The following MISP variants were observed in gnomAD, a reference collection of about 807,000 sequenced individuals.
MISP encodes mitotic spindle positioning.
A neutral mutation model predicts 49.3 loss-of-function variants in MISP; 51 were observed. That is an observed-to-expected ratio of 1.03 (90% confidence interval 0.83 to 1.31). The LOEUF is 1.31. MISP is among the 50% of genes most tolerant of loss of function. The probability of loss-of-function intolerance (pLI) is 0.00; values close to 1 mark genes in which losing one functional copy is unlikely to be tolerated. For synonymous variants in MISP, 444 were observed against 392.6 expected (o/e 1.13, Z -1.55); for missense variants, 1,084 against 935.1 (o/e 1.16, Z -2.08).
At chr19:760,145 C>G (rs2033649976) in intron 3 of MISP, 106 bp downstream of exon 3, 3 of 1,324,760 alleles carry the variant, frequency 2.3e-6, no homozygotes, top group Non-Finnish European at 3.1e-6. Flanking sequence ...GGTTCAAGCA[C>G]TACCCCCACC....
At chr19:750,569 G>A (rs1048831554), upstream of MISP, among the ~76,000 whole-genome samples, 28 of 152,120 alleles carry the variant, frequency 1.8e-4, no homozygotes, top group Admixed American at 1.8e-3. Context: ...GAGCCCGGGC[G>A]TGATGTTCCC....
chr19:756,881 C>T lies in MISP; in HGVS notation c.-57-9C>T. 1 of 1,350,346 alleles carries T rather than the reference C, an allele frequency of 7.4e-7. No homozygotes were observed. 83.6% of individuals were successfully genotyped at this position (1,350,346 alleles called of 1,614,324 possible). A position where few individuals can be genotyped will look rare whatever the true frequency, so the allele number is the denominator to read the frequency against. On this transcript the variant is annotated splice_polypyrimidine_tract_variant and intron_variant, in intron 1 of 4. Transcript: ENST00000215582. ...ACTTGATGGCCCTCATTTCCTTCTCCTCCCTCAGTAAGCCCAGAGGTCTCC... is the reference window on the plus strand; with the variant it reads ...ACTTGATGGCCCTCATTTCCTTCTCTTCCCTCAGTAAGCCCAGAGGTCTCC...
intron 1 of MISP, among the ~76,000 whole-genome samples, chr19:751,633 G>A (rs1156733865): frequency 6.6e-6 from 1 of 152,204 alleles, no homozygotes; most frequent in Non-Finnish European, 1.5e-5. Flanking sequence ...CTGGTTTGGG[G>A]ACACGGAGGA....
rs1383489340 is a variant in MISP, at chr19:759,899, T to C, written c.1781-10T>C. ...TGTTCTAATGTTCTGCCCTCCCTGC[T>C]CCCCTACAGGCATCACGGGCAGTTA... On this transcript the variant is annotated splice_polypyrimidine_tract_variant and intron_variant, in intron 2 of 4. Coordinates refer to ENST00000215582, the MANE Select transcript of MISP (RefSeq NM_173481.4). 1.2e-6 allele frequency: 2 copies of C among 1,613,658 alleles called. No homozygotes were observed. The highest frequency in any genetic ancestry group is 2.7e-5 in the African/African-American group (2 of 74,872).
At chr19:754,099 C>A (rs2033505984) in intron 1 of MISP, among the ~76,000 whole-genome samples, 1 of 151,942 alleles carries the variant, frequency 6.6e-6, no homozygotes, top group Admixed American at 6.6e-5. Flanking sequence ...AGGCGGATCA[C>A]CTGAAGTCAG....
chr19:754,672 A>C (rs1200933646), intron 1 of MISP, among the ~76,000 whole-genome samples: 1 of 152,228 alleles, frequency 6.6e-6, no homozygotes, highest in Non-Finnish European at 1.5e-5. Context: ...ACAAGGCCTG[A>C]CATGAAGGAG....
chr19:759,725 G>A (rs1158821665), intron 2 of MISP, among the ~76,000 whole-genome samples, 184 bp from the exon 3 acceptor site: 1 of 152,146 alleles, frequency 6.6e-6, no homozygotes, highest in East Asian at 1.9e-4. Flanking sequence ...CACCTTGCAT[G>A]TCGGCCCATC....
intron 3 of MISP, among the ~76,000 whole-genome samples, chr19:761,053 G>A (rs2033664190): frequency 6.7e-6 from 1 of 150,334 alleles, no homozygotes; most frequent in Non-Finnish European, 1.5e-5. Context: ...AATGACACGA[G>A]GAATATTTAG....
intron 3 of MISP, 66 bp from the exon 4 acceptor site, chr19:761,559 C>T: frequency 6.3e-7 from 1 of 1,584,828 alleles, no homozygotes; most frequent in East Asian, 2.2e-5. Context: ...TGTGTGGGAG[C>T]TCTGGTCGGA....
At chr19:759,431 G>T (rs1426132622) in intron 2 of MISP, among the ~76,000 whole-genome samples, 1 of 130,800 alleles carries the variant, frequency 7.6e-6, no homozygotes, top group Non-Finnish European at 1.6e-5. Flanking sequence ...ATGGAGTCTC[G>T]CTCTGTCACC....
At position 757,598 on chromosome 19, in the gene MISP, G is replaced by T; in HGVS notation, c.652G>T (p.Gly218Trp). The T allele has an allele frequency of 2.5e-6, 4 of 1,612,748 alleles. No individual in the cohort carries two copies. The highest frequency in any genetic ancestry group is 2.5e-6 in the Non-Finnish European group (3 of 1,179,648). The change falls in exon 2 of 5, where the codon GGG (glycine) becomes TGG (tryptophan). Residue 218 changes from glycine to tryptophan, a missense_variant. Gly to Trp is a radical substitution (Grantham distance 184). Transcript: ENST00000215582. ...GGCCCCTCATAGCTCCCCGGCCAGGGGGACCCCTGCAGGCACAACCCCAGG... is the reference window on the plus strand; with the variant it reads ...GGCCCCTCATAGCTCCCCGGCCAGGTGGACCCCTGCAGGCACAACCCCAGG... ...KGAPHSSPAR[G>W]TPAGTTPGAS...
chr19:757,928 A>G lies in MISP; in HGVS notation c.982A>G (p.Arg328Gly). 1 of 1,601,998 alleles carries G rather than the reference A, an allele frequency of 6.2e-7. No individual in the cohort carries two copies. Among genetic ancestry groups the G allele is most frequent in the Non-Finnish European group, 8.5e-7 (1 of 1,179,326 alleles). ...CCAGGAGCTGGTGGAAATCCCCACC[A>G]GGCCGCTGCTGACCAAGCTGAGCCT... is the stretch of plus-strand genomic sequence containing the variant. Reference protein sequence around the residue: ...DHQELVEIPTRPLLTKLSLIT... With the variant: ...DHQELVEIPTGPLLTKLSLIT... The change falls in exon 2 of 5, where the codon AGG becomes GGG. Residue 328 changes from arginine (R) to glycine (G), a missense_variant. Physicochemically the swap from Arg to Gly is moderately radical, Grantham distance 125. Transcript: ENST00000215582.
chr19:757,490 G>A lies in MISP; in HGVS notation c.544G>A (p.Glu182Lys), dbSNP rs1204410330. The change falls in exon 2 of 5, where the codon GAG becomes AAG. Residue 182 changes from glutamate to lysine, a missense_variant. Glu to Lys is a moderately conservative substitution (Grantham distance 56). Transcript: ENST00000215582. ...CGGCCCACCTCGGTCCACGCCCCTG[G>A]AGGAGAACGTGGTTGACAGGGAGCA... ...TPGPPRSTPL[E>K]ENVVDREQID... is the part of the protein sequence containing the mutation. 1 of 1,601,310 alleles carries A rather than the reference G, an allele frequency of 6.2e-7. No individual in the cohort carries two copies. The highest frequency in any genetic ancestry group is 8.5e-7 in the Non-Finnish European group (1 of 1,174,684).
upstream of MISP, among the ~76,000 whole-genome samples, chr19:749,321 T>C (rs556937103): frequency 6.6e-6 from 1 of 152,296 alleles, no homozygotes; most frequent in Non-Finnish European, 1.5e-5. Context: ...AGGTTCCAAT[T>C]CCAGCCTAAA....
At position 758,963 on chromosome 19, in the gene MISP, T is replaced by C. The variant is rs1387679088; in HGVS notation, c.1780+237T>C. ...TGCTTTATGGATTTGGATGCCTTGT[T>C]GTTAGGCGCATAAATGTTCATATAT... is the stretch of plus-strand genomic sequence containing the variant. On this transcript the variant is annotated intron_variant, in intron 2 of 4. Transcript: ENST00000215582. 3.9e-5 allele frequency among the ~76,000 whole-genome samples: 6 copies of C among 152,356 alleles called. No homozygotes were observed. The Middle Eastern group carries it at 0.01, about 259-fold the overall frequency.
Position 756,931 on chromosome 19 carries a change from C to G in MISP, c.-16C>G, listed in dbSNP as rs771218482. On this transcript the variant is annotated 5_prime_UTR_variant, in exon 2 of 5. Coordinates refer to ENST00000215582, the MANE Select transcript of MISP (RefSeq NM_173481.4). ...CACCCCACGGGAGGAAGGCTGAGGCCAAGACCCCGGAAGAGATGGACCGCG... is the reference window on the plus strand; with the variant it reads ...CACCCCACGGGAGGAAGGCTGAGGCGAAGACCCCGGAAGAGATGGACCGCG... 37 of 1,510,048 alleles carry G rather than the reference C, an allele frequency of 2.5e-5. No individual in the cohort carries two copies. The East Asian group carries it at 9.0e-4, about 37-fold the overall frequency. 93.5% of individuals were successfully genotyped at this position (1,510,048 alleles called of 1,614,324 possible).
chr19:754,305 A>C (rs1285924038), intron 1 of MISP, among the ~76,000 whole-genome samples: 1 of 152,226 alleles, frequency 6.6e-6, no homozygotes, highest in Non-Finnish European at 1.5e-5. Context: ...TCTACTAAAA[A>C]TACAAAAAAT....
intron 2 of MISP, among the ~76,000 whole-genome samples, chr19:759,176 AC>A (rs2033631494): frequency 6.7e-6 from 1 of 148,478 alleles, no homozygotes; most frequent in African/African-American, 2.5e-5. Context: ...GGTGCCCACC[AC>A]CACTCCCGGC....
intron 4 of MISP, among the ~76,000 whole-genome samples, chr19:762,601 A>G (rs1201170665): frequency 6.6e-6 from 1 of 152,068 alleles, no homozygotes; most frequent in Non-Finnish European, 1.5e-5. Flanking sequence ...ATTCAAGCCA[A>G]GCCCCCTCAG....
Sources: allele counts gnomAD v4.1 joint callset (sites outside exome capture counted in the v4.1 genomes callset), GRCh38; gene constraint gnomAD v4.1.1; transcripts MANE v1.5; gene names NCBI Gene and HGNC (gene_info 2026-07-23, HGNC 2026-07-21).